RGPD2: variants seen among roughly 807,000 people sequenced by gnomAD.
The protein encoded by RGPD2 is RANBP2 like and GRIP domain containing 2, also known as RANBP2-like and GRIP domain-containing protein 2.
Under a neutral mutation model 36.0 loss-of-function variants are expected in RGPD2, and 2 were observed. That is an observed-to-expected ratio of 0.06 (90% CI 0.02 to 0.17). The LOEUF (loss-of-function observed/expected upper bound fraction) is 0.17. RGPD2 is among the 10% of genes least tolerant of loss of function. The pLI is 1.00. For missense variants in RGPD2, 40 were observed against 464.3 expected (o/e 0.09, Z 8.40); for synonymous variants, 19 against 163.8 (o/e 0.12, Z 6.75).
chr2:87,979,159 G>C, the RGPD2 span, among the ~76,000 whole-genome samples: 4 of 115,610 alleles, frequency 3.5e-5, no homozygotes, highest in South Asian at 8.8e-4. Flanking sequence ...GCCTGAACTC[G>C]GGAGTCAGAG....
chr2:87,955,352 T>G, the RGPD2 span, among the ~76,000 whole-genome samples: 1 of 109,726 alleles, frequency 9.1e-6, no homozygotes. Context: ...TTTGATAGTT[T>G]AGGGAGCAAA....
chr2:87,984,823 G>A, the RGPD2 span, among the ~76,000 whole-genome samples: 31 of 151,714 alleles, frequency 2.0e-4, no homozygotes, highest in South Asian at 4.2e-4. Context: ...CCAGCTACTC[G>A]GGAGGCTGAG....
At chr2:87,895,215 A>ATGCAACTC in the RGPD2 span, among the ~76,000 whole-genome samples, 1 of 152,292 alleles carries the variant, frequency 6.6e-6, no homozygotes, top group Non-Finnish European at 1.5e-5. Flanking sequence ...CTAAGGTAGC[A>ATGCAACTC]TGCAACTCAG....
chr2:87,855,051 C>G, the RGPD2 span, among the ~76,000 whole-genome samples: 1 of 152,120 alleles, frequency 6.6e-6, no homozygotes, highest in Non-Finnish European at 1.5e-5. Flanking sequence ...AACCTAAGAT[C>G]TACTCTCTCT....
chr2:87,920,830 GTTTC>G, the RGPD2 span, among the ~76,000 whole-genome samples: 1 of 93,972 alleles, frequency 1.1e-5, no homozygotes, highest in Non-Finnish European at 2.1e-5. Flanking sequence ...TTCAAATCCT[GTTTC>G]TTCATTTACT....
the RGPD2 span, among the ~76,000 whole-genome samples, chr2:87,876,597 C>T: frequency 8.5e-5 from 13 of 152,392 alleles, no homozygotes; most frequent in East Asian, 1.9e-3. Flanking sequence ...AAGTCTTTTG[C>T]ATTTACTGAG....
the RGPD2 span, among the ~76,000 whole-genome samples, chr2:87,915,314 A>ATATGTATATTATATATAT: frequency 8.1e-6 from 1 of 123,846 alleles, no homozygotes; most frequent in African/African-American, 3.5e-5. Context: ...TTGTATATAT[A>ATATGTATATTATATATAT]TGTATATTAT....
At chr2:87,948,668 A>G in the RGPD2 span, among the ~76,000 whole-genome samples, 1 of 129,400 alleles carries the variant, frequency 7.7e-6, no homozygotes. Flanking sequence ...TGTGTGAGCC[A>G]CCGCACCCGG....
the RGPD2 span, among the ~76,000 whole-genome samples, chr2:87,857,559 G>A: frequency 6.6e-6 from 1 of 151,354 alleles, no homozygotes; most frequent in Non-Finnish European, 1.5e-5. Context: ...AGCCAGGATG[G>A]TCTCGATCTC....
the RGPD2 span, among the ~76,000 whole-genome samples, chr2:87,936,366 T>C: frequency 2.8e-4 from 42 of 148,122 alleles, no homozygotes; most frequent in Non-Finnish European, 5.1e-4. Context: ...CATGGTATTG[T>C]TTCTTAGAGA....
At chr2:87,937,411 A>G in the RGPD2 span, among the ~76,000 whole-genome samples, 1 of 151,788 alleles carries the variant, frequency 6.6e-6, no homozygotes, top group Non-Finnish European at 1.5e-5. Context: ...TAAAGAGAAA[A>G]GTTTTTTTTG....
chr2:87,785,268 T>G (rs1685556065), intron 18 of RGPD2, 99 bp from the exon 19 acceptor site: 1 of 580,576 alleles, frequency 1.7e-6, no homozygotes, highest in African/African-American at 2.0e-5. Context: ...CAATAGAAAT[T>G]AAAGAAAGAT....
the RGPD2 span, chr2:87,985,602 C>A: frequency 1.1e-6 from 1 of 924,982 alleles, no homozygotes; most frequent in East Asian, 2.7e-5. Flanking sequence ...ATACAATAAA[C>A]CTTAATATCA....
the RGPD2 span, among the ~76,000 whole-genome samples, chr2:87,912,072 A>G: frequency 5.4e-5 from 8 of 149,168 alleles, no homozygotes; most frequent in Non-Finnish European, 1.2e-4. Context: ...TTTTTTTTTT[A>G]GCTCTGAATT....
chr2:87,915,313 T>TATGTATATTATATATATTGTATATATA, the RGPD2 span, among the ~76,000 whole-genome samples: 30 of 125,262 alleles, frequency 2.4e-4, no homozygotes, highest in South Asian at 4.4e-4. Flanking sequence ...ATTGTATATA[T>TATGTATATTATATATATTGTATATATA]ATGTATATTA....
chr2:87,888,363 C>A, the RGPD2 span, among the ~76,000 whole-genome samples: 2 of 148,934 alleles, frequency 1.3e-5, no homozygotes, highest in African/African-American at 2.5e-5. Context: ...GATTATACAC[C>A]CACATTTTAT....
At chr2:87,887,330 C>A in the RGPD2 span, among the ~76,000 whole-genome samples, 4 of 151,148 alleles carry the variant, frequency 2.6e-5, no homozygotes, top group East Asian at 7.9e-4. Context: ...AGTGTTCTTT[C>A]TTGTTTTGGA....
chr2:87,952,211 A>C, the RGPD2 span, among the ~76,000 whole-genome samples: 5 of 152,350 alleles, frequency 3.3e-5, no homozygotes, highest in East Asian at 9.6e-4. Context: ...GAAATTTGTT[A>C]ATTAAAAAAT....
chr2:87,857,224 C>T, the RGPD2 span, among the ~76,000 whole-genome samples: 1 of 152,168 alleles, frequency 6.6e-6, no homozygotes, highest in East Asian at 1.9e-4. Flanking sequence ...GAAAATTATG[C>T]ACATTTTATA....
Sources: gnomAD v4.1 joint callset for allele counts (sites outside exome capture counted in the v4.1 genomes callset) on GRCh38, gnomAD v4.1.1 for gene constraint, MANE v1.5 for transcripts, NCBI Gene and HGNC (gene_info 2026-07-23, HGNC 2026-07-21) for gene names.